Variants in ADAMTS20 observed in about 807,000 individuals in gnomAD.
ADAMTS20 encodes A disintegrin and metalloproteinase with thrombospondin motifs 20.
A neutral mutation model predicts 260.1 loss-of-function variants in ADAMTS20; 225 were observed. The ratio of observed to expected loss-of-function variants is 0.87; its 90% CI spans 0.78 to 0.97. The LOEUF (loss-of-function observed/expected upper bound fraction) is 0.97. Among genes scored for constraint, ADAMTS20 ranks in the 50% least tolerant of loss-of-function variants. The probability of loss-of-function intolerance (pLI) is 0.00; values close to 1 mark genes in which losing one functional copy is unlikely to be tolerated. For synonymous variants in ADAMTS20, 802 were observed against 769.5 expected, an observed-to-expected ratio of 1.04 and a Z score of -0.70; for missense variants, 2,400 against 2,337.7, an observed-to-expected ratio of 1.03 and a Z score of -0.55.
rs144338016 is a variant in ADAMTS20 at position 43,427,586 on chromosome 12, T to C, written c.3946-117A>G. 122 of 936,790 alleles carry C rather than the reference T, an allele frequency of 1.3e-4. 1 individual carries two copies. The African/African-American group carries it at 1.9e-3, about 14-fold the overall frequency. The allele number at this position is 936,790 out of a possible 1,614,324, so 58.0% of individuals were successfully genotyped here. Reference sequence around the variant, plus strand: ...CAAAATCAAACCCTACATTAGAATCTCCTTCATTGGAATCACAATTTGAAT... The same window carrying C: ...CAAAATCAAACCCTACATTAGAATCCCCTTCATTGGAATCACAATTTGAAT... On this transcript the variant is annotated intron_variant, in intron 26 of 38. Transcript: ENST00000389420.
intron 29 of ADAMTS20, among the ~76,000 whole-genome samples, chr12:43,392,706 C>T (rs551612343): frequency 6.6e-6 from 1 of 152,150 alleles, no homozygotes; most frequent in African/African-American, 2.4e-5. Context: ...TAGTTAATCT[C>T]CCGAACACAT....
At chr12:43,352,925 T>A (rs535496161), downstream of ADAMTS20, among the ~76,000 whole-genome samples, 10 of 152,296 alleles carry the variant, frequency 6.6e-5, no homozygotes, top group East Asian at 1.9e-3. Flanking sequence ...CATCTTCAAA[T>A]GTTTAACCAC....
chr12:43,430,756 T>C (rs1941427070), intron 22 of ADAMTS20, among the ~76,000 whole-genome samples: 1 of 152,142 alleles, frequency 6.6e-6, no homozygotes, highest in Non-Finnish European at 1.5e-5. Flanking sequence ...TAGAAAGCAG[T>C]CAATATGATT....
At chr12:43,491,553 A>G (rs938030681) in intron 6 of ADAMTS20, among the ~76,000 whole-genome samples, 1 of 152,154 alleles carries the variant, frequency 6.6e-6, no homozygotes, top group Non-Finnish European at 1.5e-5. Flanking sequence ...CCTAGGATTT[A>G]TATATTCTGG....
In ADAMTS20 at chr12:43,425,548, G is replaced by A; in HGVS notation, c.4250C>T (p.Ala1417Val). 3 of 1,574,218 alleles carry A rather than the reference G, an allele frequency of 1.9e-6. No homozygotes were observed. The highest frequency in any genetic ancestry group is 8.7e-7 in the Non-Finnish European group (1 of 1,155,732). Reference sequence around the variant, plus strand: ...TGGTTCCTGATGCCATGACACATCAGCAGGGCAAGCATGCATATGACACTG... The same window carrying A: ...TGGTTCCTGATGCCATGACACATCAACAGGGCAAGCATGCATATGACACTG... The part of the protein sequence containing the change: ...VIQCHMHACP[A>V]DVSWHQEPWT... The change falls in exon 28 of 39, where the codon GCT (alanine) becomes GTT (valine). Residue 1417 changes from alanine to valine, a missense_variant. Coordinates refer to ENST00000389420, the MANE Select transcript of ADAMTS20 (RefSeq NM_025003.5).
rs569989776 is a variant in ADAMTS20 at position 43,492,335 on chromosome 12, G to A, written c.1076+170C>T. On this transcript the variant is annotated intron_variant, in intron 6 of 38. Coordinates refer to ENST00000389420, the MANE Select transcript of ADAMTS20 (RefSeq NM_025003.5). ...GCGGAGCTTGCAGTGAGCCGAGATCGCGCCACTGCACTCCACCCTGGGCGA... is the reference window on the plus strand; with the variant it reads ...GCGGAGCTTGCAGTGAGCCGAGATCACGCCACTGCACTCCACCCTGGGCGA... Among the ~76,000 whole-genome samples the A allele has an allele frequency of 4.8e-4, 73 of 151,048 alleles. 2 individuals carry two copies. The highest frequency in any genetic ancestry group is 1.6e-3 in the African/African-American group (67 of 41,112).
intron 29 of ADAMTS20, 53 bp from the exon 30 acceptor site, chr12:43,384,030 A>G: frequency 6.6e-7 from 1 of 1,504,672 alleles, no homozygotes; most frequent in South Asian, 1.4e-5. Flanking sequence ...ACCAAATTAT[A>G]TAAAAGTAGC....
At chr12:43,454,924 A>G (rs1592077970) in intron 11 of ADAMTS20, among the ~76,000 whole-genome samples, 1 of 152,220 alleles carries the variant, frequency 6.6e-6, no homozygotes, top group Non-Finnish European at 1.5e-5. Context: ...CATAAAATTT[A>G]CCATCTTAGC....
intron 27 of ADAMTS20, among the ~76,000 whole-genome samples, chr12:43,427,025 T>A (rs772624911): frequency 6.6e-6 from 1 of 151,788 alleles, no homozygotes; most frequent in African/African-American, 2.4e-5. Flanking sequence ...ATGAAAAAAA[T>A]AGCCAGGCAT....
At chr12:43,513,012 G>A (rs1194149961) in intron 3 of ADAMTS20, among the ~76,000 whole-genome samples, 1 of 152,162 alleles carries the variant, frequency 6.6e-6, no homozygotes, top group Non-Finnish European at 1.5e-5. Flanking sequence ...ATGCATTACA[G>A]AGGTCCTCCT....
At chr12:43,544,989 C>T (rs1943424037) in intron 2 of ADAMTS20, among the ~76,000 whole-genome samples, 1 of 152,122 alleles carries the variant, frequency 6.6e-6, no homozygotes. Flanking sequence ...ATGCTCGCCT[C>T]AATGCACCTA....
At chr12:43,521,191 C>G (rs1943067142) in intron 3 of ADAMTS20, among the ~76,000 whole-genome samples, 1 of 152,190 alleles carries the variant, frequency 6.6e-6, no homozygotes, top group Non-Finnish European at 1.5e-5. Flanking sequence ...TCATTATCTA[C>G]TTTTGGTAAG....
intron 3 of ADAMTS20, among the ~76,000 whole-genome samples, chr12:43,511,467 G>A (rs1942923237): frequency 6.6e-6 from 1 of 151,912 alleles, no homozygotes; most frequent in Non-Finnish European, 1.5e-5. Flanking sequence ...TTTTATAAGT[G>A]CTCAGTAAAT....
At chr12:43,362,538 A>C (rs1363709165) in intron 37 of ADAMTS20, among the ~76,000 whole-genome samples, 1 of 152,170 alleles carries the variant, frequency 6.6e-6, no homozygotes, top group African/African-American at 2.4e-5. Flanking sequence ...GTGAGGAAAC[A>C]CTTCTAGAAT....
At chr12:43,354,849 G>T (rs1939710970) in intron 38 of ADAMTS20, among the ~76,000 whole-genome samples, 1 of 152,072 alleles carries the variant, frequency 6.6e-6, no homozygotes. Context: ...ATAAAAACTG[G>T]GCTGAAAGCA....
chr12:43,495,925 G>A (rs925685765), intron 4 of ADAMTS20, among the ~76,000 whole-genome samples: 7 of 151,952 alleles, frequency 4.6e-5, no homozygotes, highest in Admixed American at 2.6e-4. Context: ...TAGGATATAC[G>A]TATACCTTTA....
chr12:43,450,174 TAAAAATGAATGA>T (rs530194665), intron 14 of ADAMTS20, among the ~76,000 whole-genome samples: 7 of 151,980 alleles, frequency 4.6e-5, no homozygotes, highest in African/African-American at 1.7e-4. Context: ...TGCTTATTTT[TAAAAATGAATGA>T]ATAAATGAAT....
chr12:43,432,408 C>A lies in ADAMTS20; in HGVS notation c.2992G>T (p.Gly998Cys). Residue 998 changes from glycine to cysteine, a missense_variant, in exon 21 of 39, where the codon GGC becomes TGC. Physicochemically the swap from Gly to Cys is radical, Grantham distance 159. Transcript: ENST00000389420. ...SRESYCMNNF[G>C]HRLADNECQE... is the part of the protein sequence containing the mutation. ...CATTCATTGTCAGCAAGACGATGGC[C>A]AAAGTTATTCATACAATAAGATTCT... The A allele has an allele frequency of 6.2e-7, 1 of 1,613,244 alleles. No individual in the cohort carries two copies. The highest frequency in any genetic ancestry group is 8.5e-7 in the Non-Finnish European group (1 of 1,179,784).
At chr12:43,450,782 A>G (rs1423767184) in intron 14 of ADAMTS20, among the ~76,000 whole-genome samples, 2 of 152,142 alleles carry the variant, frequency 1.3e-5, no homozygotes, top group Non-Finnish European at 2.9e-5. Flanking sequence ...ATCATGTACA[A>G]CATAATGTTT....
Sources: gnomAD v4.1 joint callset for allele counts (sites outside exome capture counted in the v4.1 genomes callset) on GRCh38, gnomAD v4.1.1 for gene constraint, MANE v1.5 for transcripts, NCBI Gene and HGNC (gene_info 2026-07-23, HGNC 2026-07-21) for gene names.